AIM2: variants seen among roughly 807,000 people sequenced by gnomAD.
AIM2 encodes the protein interferon-inducible protein AIM2.
A neutral mutation model predicts 27.7 loss-of-function variants in AIM2; 30 were observed. The ratio of observed to expected loss-of-function variants is 1.08; its 90% CI spans 0.81 to 1.47. The LOEUF is 1.47. Among genes scored for constraint, AIM2 ranks in the 40% most tolerant of loss-of-function variants. The pLI is 0.00. For missense variants in AIM2, 358 were observed against 411.3 expected, an observed-to-expected ratio of 0.87 and a Z score of 1.12; for synonymous variants, 141 against 145.3, an observed-to-expected ratio of 0.97 and a Z score of 0.21.
At chr1:159,112,934 CAT>C (rs71659252) in intron 1 of AIM2, among the ~76,000 whole-genome samples, 11 of 146,512 alleles carry the variant, frequency 7.5e-5, no homozygotes, top group Admixed American at 1.4e-4. Context: ...TATATACATA[CAT>C]ATATATATAT....
At chr1:159,087,360 A>C (rs1656939515) in intron 1 of AIM2, among the ~76,000 whole-genome samples, 1 of 152,056 alleles carries the variant, frequency 6.6e-6, no homozygotes, top group African/African-American at 2.4e-5. Context: ...GCTGAGACTA[A>C]GTTAACCTTT....
chr1:159,111,817 ATCTATCTATCTATC>A (rs1657581070), intron 1 of AIM2, among the ~76,000 whole-genome samples: 2 of 140,048 alleles, frequency 1.4e-5, no homozygotes, highest in East Asian at 2.0e-4. Context: ...AAAAAAAACT[ATCTATCTATCTATC>A]ATCTATCTAT....
chr1:159,102,259 G>A (rs1246341821), intron 1 of AIM2, among the ~76,000 whole-genome samples: 1 of 152,242 alleles, frequency 6.6e-6, no homozygotes, highest in Non-Finnish European at 1.5e-5. Flanking sequence ...CAGGTACGCA[G>A]AAGACAAGAA....
intron 1 of AIM2, among the ~76,000 whole-genome samples, chr1:159,111,871 T>TATC (rs1657584871): frequency 6.6e-6 from 1 of 150,616 alleles, no homozygotes; most frequent in Non-Finnish European, 1.5e-5. Context: ...TCTATCTATC[T>TATC]ATCTATCTAT....
intron 1 of AIM2, among the ~76,000 whole-genome samples, chr1:159,095,844 G>A (rs1387518595): frequency 6.6e-6 from 1 of 152,128 alleles, no homozygotes; most frequent in Non-Finnish European, 1.5e-5. Context: ...TCAATTCAAT[G>A]CTTTATACTG....
At chr1:159,120,061 C>T (rs373666359) in intron 1 of AIM2, among the ~76,000 whole-genome samples, 99 of 151,942 alleles carry the variant, frequency 6.5e-4, no homozygotes, top group Middle Eastern at 6.8e-3. Context: ...AGTTATCTCC[C>T]CTCCTAATTT....
At chr1:159,088,099 G>A (rs577847399) in intron 1 of AIM2, among the ~76,000 whole-genome samples, 3 of 152,182 alleles carry the variant, frequency 2.0e-5, no homozygotes, top group Non-Finnish European at 2.9e-5. Flanking sequence ...GTGGAACATC[G>A]GGTGGACAGA....
At chr1:159,109,715 GA>G (rs375985129) in intron 1 of AIM2, among the ~76,000 whole-genome samples, 8,923 of 150,370 alleles carry the variant, frequency 0.059, 841 homozygotes, top group African/African-American at 0.2. Context: ...AAATCAACAA[GA>G]AAAAAAAATT....
At chr1:159,113,696 C>A (rs1402511981) in intron 1 of AIM2, among the ~76,000 whole-genome samples, 1 of 152,126 alleles carries the variant, frequency 6.6e-6, no homozygotes, top group Non-Finnish European at 1.5e-5. Flanking sequence ...TTCTAGAAAA[C>A]TTCCCACAGG....
In AIM2 at chr1:159,090,797, C is replaced by A. The variant is rs944440842; in HGVS notation, c.-15-24468G>T. Reference sequence around the variant, plus strand: ...TAAGGCATGTTTTGACTCTAGCAAACCATCAGGGAAATAATTTTTGATCGT... The same window carrying A: ...TAAGGCATGTTTTGACTCTAGCAAAACATCAGGGAAATAATTTTTGATCGT... On this transcript the variant is annotated intron_variant, in intron 1 of 2. Transcript: ENST00000368129. 7.9e-5 allele frequency among the ~76,000 whole-genome samples: 12 copies of A among 152,296 alleles called. No individual in the cohort carries two copies. In the East Asian group the frequency reaches 2.3e-3, roughly 29 times the overall value.
intron 4 of AIM2, among the ~76,000 whole-genome samples, chr1:159,064,058 A>T (rs1655972419): frequency 6.6e-6 from 1 of 152,206 alleles, no homozygotes; most frequent in Non-Finnish European, 1.5e-5. Context: ...GTGTTAAGTG[A>T]CTGCTTATGT....
chr1:159,080,417 T>C (rs1388324498), upstream of AIM2, among the ~76,000 whole-genome samples: 1 of 152,238 alleles, frequency 6.6e-6, no homozygotes, highest in Non-Finnish European at 1.5e-5. Context: ...TAAAAAGGTA[T>C]ACTTTAGAAA....
chr1:159,133,608 A>G (rs889791150), intron 1 of AIM2, among the ~76,000 whole-genome samples: 1 of 152,100 alleles, frequency 6.6e-6, no homozygotes, highest in African/African-American at 2.4e-5. Flanking sequence ...CTTGACTTCC[A>G]TGTCACATAA....
chr1:159,107,168 T>C (rs1156681359), intron 1 of AIM2, among the ~76,000 whole-genome samples: 1 of 152,206 alleles, frequency 6.6e-6, no homozygotes, highest in Non-Finnish European at 1.5e-5. Flanking sequence ...GATAAACTAG[T>C]AAATCGCCAT....
At chr1:159,124,707 C>G (rs904567450) in intron 1 of AIM2, among the ~76,000 whole-genome samples, 7 of 152,136 alleles carry the variant, frequency 4.6e-5, no homozygotes, top group Admixed American at 4.6e-4. Flanking sequence ...GAGAACAACC[C>G]CTCAGATCAC....
intron 1 of AIM2, among the ~76,000 whole-genome samples, chr1:159,090,581 C>T (rs1657021774): frequency 6.6e-6 from 1 of 152,046 alleles, no homozygotes; most frequent in Non-Finnish European, 1.5e-5. Context: ...ATTTAAATGC[C>T]TTCTATGGAC....
upstream of AIM2, among the ~76,000 whole-genome samples, chr1:159,077,066 AG>A (rs1234266949): frequency 1.3e-5 from 2 of 152,194 alleles, no homozygotes; most frequent in Non-Finnish European, 2.9e-5. Context: ...CTGATCTCAG[AG>A]GGTATCTAAA....
chr1:159,064,954 G>A (rs920702720), intron 4 of AIM2, among the ~76,000 whole-genome samples: 1 of 152,220 alleles, frequency 6.6e-6, no homozygotes, highest in African/African-American at 2.4e-5. Flanking sequence ...GACTAAATCA[G>A]TATATATGAG....
chr1:159,116,319 A>C (rs200140646), intron 1 of AIM2, among the ~76,000 whole-genome samples: 6,619 of 152,162 alleles, frequency 0.043, 362 homozygotes, highest in East Asian at 0.13. Flanking sequence ...TTGACCCAGC[A>C]ATCCCATTAC....
Sources: allele counts gnomAD v4.1 joint callset (sites outside exome capture counted in the v4.1 genomes callset), GRCh38; gene constraint gnomAD v4.1.1; transcripts MANE v1.5; gene names NCBI Gene and HGNC (gene_info 2026-07-23, HGNC 2026-07-21).